ATG13: variants seen among roughly 807,000 people sequenced by gnomAD.
ATG13 encodes autophagy-related protein 13.
In ATG13, 23 loss-of-function variants were observed where a neutral mutation model predicts 65.5. That is an observed-to-expected ratio of 0.35 (90% CI 0.25 to 0.50). The LOEUF (loss-of-function observed/expected upper bound fraction) is 0.50. ATG13 is among the 20% of genes least tolerant of loss of function. The pLI is 0.98. For missense variants in ATG13, 566 were observed against 677.0 expected, an observed-to-expected ratio of 0.84 and a Z score of 1.82; for synonymous variants, 252 against 245.2, an observed-to-expected ratio of 1.03 and a Z score of -0.26.
chr11:46,657,289 G>GA, intron 9 of ATG13, 98 bp downstream of exon 9: 4 of 1,191,812 alleles, frequency 3.4e-6, no homozygotes, highest in Non-Finnish European at 4.9e-6. Flanking sequence ...CAGCTTTGCT[G>GA]AAAGCAGTAC....
chr11:46,629,910 G>A (rs965434517), intron 1 of ATG13, 135 bp from the exon 2 acceptor site: 1 of 151,998 alleles, frequency 6.6e-6, no homozygotes, highest in Non-Finnish European at 1.5e-5. Flanking sequence ...TCCTAAGGCT[G>A]TGTCGTCCCA....
At position 46,669,680 on chromosome 11, in the gene ATG13, G is replaced by C. The variant is rs1199703528; in HGVS notation, c.1575+148G>C. 4 of 1,050,154 alleles carry C rather than the reference G, an allele frequency of 3.8e-6. No homozygotes were observed. In the East Asian group the frequency reaches 1.0e-4, roughly 28 times the overall value. The allele number at this position is 1,050,154 out of a possible 1,614,324, so 65.1% of individuals were successfully genotyped here. ...TTATCTTTTGATCACTCTTGAGATT[G>C]GCATTGTGCCCAGCAGTCATTATCT... On this transcript the variant is annotated intron_variant, in intron 18 of 18. Coordinates refer to ENST00000683050, the MANE Select transcript of ATG13 (RefSeq NM_001346311.2).
At chr11:46,626,095 A>T (rs940120863) in intron 1 of ATG13, among the ~76,000 whole-genome samples, 1 of 152,112 alleles carries the variant, frequency 6.6e-6, no homozygotes, top group Non-Finnish European at 1.5e-5. Context: ...AGCTGGGACT[A>T]CAGGTGCCCA....
chr11:46,623,770 C>A (rs2048521901), intron 1 of ATG13, among the ~76,000 whole-genome samples: 1 of 151,920 alleles, frequency 6.6e-6, no homozygotes, highest in African/African-American at 2.4e-5. Context: ...TTTTTTAATT[C>A]AAATCTACAG....
In ATG13 at chr11:46,650,215, A is replaced by G. The variant is rs1162733388; in HGVS notation, c.356A>G (p.Asn119Ser). The G allele has an allele frequency of 6.2e-7, 1 of 1,614,146 alleles. No individual in the cohort carries two copies. The highest frequency in any genetic ancestry group is 2.2e-5 in the East Asian group (1 of 44,880). Residue 119 changes from asparagine to serine, a missense_variant, in exon 7 of 19, where the codon AAC (asparagine) becomes AGC (serine). By Grantham distance (46) the Asn-to-Ser change is conservative. Transcript: ENST00000683050. The stretch of plus-strand genomic sequence containing the variant: ...ATCAAAGTTTCCTACACGGTGTACA[A>G]CAGACTGTCATTGCTGCTGAAGTCC... ...KEIKVSYTVYNRLSLLLKSLL... is the reference protein window; with the variant it reads ...KEIKVSYTVYSRLSLLLKSLL...
At chr11:46,637,379 ATTTTC>A (rs1253737752) in intron 2 of ATG13, among the ~76,000 whole-genome samples, 2 of 152,102 alleles carry the variant, frequency 1.3e-5, no homozygotes, top group Non-Finnish European at 2.9e-5. Context: ...GCAAAAATGT[ATTTTC>A]TTTTCTCTGA....
At chr11:46,643,181 A>T (rs958909790) in intron 2 of ATG13, among the ~76,000 whole-genome samples, 3 of 152,124 alleles carry the variant, frequency 2.0e-5, no homozygotes, top group Admixed American at 2.0e-4. Context: ...ATTTGTTTCA[A>T]ACGGCTGATT....
chr11:46,663,835 A>G (rs1357667992), intron 11 of ATG13, among the ~76,000 whole-genome samples, 162 bp from the exon 12 acceptor site: 1 of 152,190 alleles, frequency 6.6e-6, no homozygotes, highest in African/African-American at 2.4e-5. Flanking sequence ...CCCTTTGGAA[A>G]GACAGCCCCA....
rs568831255 is a variant in ATG13 at position 46,648,533 on chromosome 11, C to T, written c.271-604C>T. Reference sequence around the variant, plus strand: ...GTGGCTTACGCCTGTAATCCCAGCACTTTGGGAGGCCAAGGCAGGCAGATC... The same window carrying T: ...GTGGCTTACGCCTGTAATCCCAGCATTTTGGGAGGCCAAGGCAGGCAGATC... On this transcript the variant is annotated intron_variant, in intron 5 of 18. Coordinates refer to ENST00000683050, the MANE Select transcript of ATG13 (RefSeq NM_001346311.2). Among the ~76,000 whole-genome samples the T allele has an allele frequency of 3.9e-5, 6 of 152,156 alleles. No homozygotes were observed. The South Asian group carries it at 1.2e-3, about 32-fold the overall frequency.
rs543413934 is a variant in ATG13, at chr11:46,671,960, T to G, written c.1576-295T>G. Among the ~76,000 whole-genome samples the G allele has an allele frequency of 2.6e-5, 4 of 152,364 alleles. No individual in the cohort carries two copies. The East Asian group carries it at 7.7e-4, about 29-fold the overall frequency. ...GTCAGTCAGATCTGTGCCAGGGATA[T>G]TTCATGTTTAATTTCTGAATCATCT... On this transcript the variant is annotated intron_variant, in intron 18 of 18. Coordinates refer to ENST00000683050, the MANE Select transcript of ATG13 (RefSeq NM_001346311.2).
rs752832073 is a variant in ATG13 at position 46,664,111 on chromosome 11, G to A, written c.888+16G>A. The A allele has an allele frequency of 1.6e-5, 24 of 1,525,148 alleles. No individual in the cohort carries two copies. In the South Asian group the frequency reaches 2.8e-4, roughly 18 times the overall value. The allele number at this position is 1,525,148 out of a possible 1,614,324, so 94.5% of individuals were successfully genotyped here. On this transcript the variant is annotated intron_variant, in intron 12 of 18. Transcript: ENST00000683050. ...TTCCCATCAAGTGAGTCCATAATGGGAAGAAGGGGATATAATCAGATGGCA... is the reference window on the plus strand; with the variant it reads ...TTCCCATCAAGTGAGTCCATAATGGAAAGAAGGGGATATAATCAGATGGCA...
chr11:46,666,050 T>C (rs572373181), intron 14 of ATG13, among the ~76,000 whole-genome samples: 1 of 152,140 alleles, frequency 6.6e-6, no homozygotes, highest in South Asian at 2.1e-4. Flanking sequence ...CCAGTGATCC[T>C]CCCGCCTTGA....
rs1000490937 is a variant in ATG13, at chr11:46,672,395, T to C, written c.*63T>C. The C allele has an allele frequency of 1.9e-6, 3 of 1,612,096 alleles. No individual in the cohort carries two copies. Among genetic ancestry groups the C allele is most frequent in the South Asian group, 2.2e-5 (2 of 90,976 alleles). ...GCCCCAGGGCATAAGCAGCCTCCCA[T>C]GCATCAGCTGCTCCCACCCCTCATC... On this transcript the variant is annotated 3_prime_UTR_variant, in exon 19 of 19. Transcript: ENST00000683050.
chr11:46,633,033 T>A (rs1434305639), intron 2 of ATG13, among the ~76,000 whole-genome samples: 2 of 140,168 alleles, frequency 1.4e-5, no homozygotes, highest in Non-Finnish European at 3.1e-5. Flanking sequence ...TATATTTTTT[T>A]TTTTTTTTGG....
chr11:46,636,936 C>T (rs1424540599), intron 2 of ATG13, among the ~76,000 whole-genome samples: 1 of 152,032 alleles, frequency 6.6e-6, no homozygotes, highest in Non-Finnish European at 1.5e-5. Flanking sequence ...ACCATGTTGG[C>T]TAGGATGGTC....
chr11:46,656,689 C>T (rs957096631), intron 8 of ATG13, among the ~76,000 whole-genome samples: 7 of 152,180 alleles, frequency 4.6e-5, no homozygotes, highest in Non-Finnish European at 8.8e-5. Context: ...GCAATTACTT[C>T]TTAAACTGAA....
At position 46,645,321 on chromosome 11, in the gene ATG13, T is replaced by C. The variant is rs949276700; in HGVS notation, c.70-18T>C. On this transcript the variant is annotated intron_variant, in intron 3 of 18. Transcript: ENST00000683050. ...TTTCATCATTTTAGGATTTCTTTTG[T>C]GTTTTTTTTTTCTTTAGACTGTCCA... is the stretch of plus-strand genomic sequence containing the variant. 6.9e-6 allele frequency: 11 copies of C among 1,589,780 alleles called. No individual in the cohort carries two copies. The South Asian group carries it at 1.0e-4, about 15-fold the overall frequency.
At chr11:46,625,269 C>CTTTTTTTTTTTTTTTTT (rs59095357) in intron 1 of ATG13, 1 of 84,386 alleles carries the variant, frequency 1.2e-5, no homozygotes, top group South Asian at 4.2e-4. Flanking sequence ...CTTGCTCTTT[C>CTTTTTTTTTTTTTTTTT]TTTTTTTTTT....
intron 2 of ATG13, among the ~76,000 whole-genome samples, chr11:46,637,122 T>C (rs942439692): frequency 2.6e-5 from 4 of 152,170 alleles, no homozygotes; most frequent in Admixed American, 1.3e-4. Context: ...ATGAGGAAAC[T>C]TTTGGGAACT....
Sources: allele counts gnomAD v4.1 joint callset (sites outside exome capture counted in the v4.1 genomes callset), GRCh38; gene constraint gnomAD v4.1.1; transcripts MANE v1.5; gene names NCBI Gene and HGNC (gene_info 2026-07-23, HGNC 2026-07-21).